Variants in VPS72 observed in about 807,000 individuals in gnomAD.
The protein encoded by VPS72 is vacuolar protein sorting 72 homolog, also known as vacuolar protein sorting-associated protein 72 homolog.
VPS72 carries 27 observed loss-of-function variants against 38.9 expected under a neutral mutation model. The ratio of observed to expected loss-of-function variants is 0.69; its 90% CI spans 0.51 to 0.96. The LOEUF is 0.96. VPS72 is among the 40% of genes least tolerant of loss of function. The pLI is 0.00. For synonymous variants in VPS72, 173 were observed against 186.3 expected (o/e 0.93, Z 0.58); for missense variants, 360 against 479.5 (o/e 0.75, Z 2.33).
In VPS72 at chr1:151,190,067, C is replaced by A. The variant is rs369828448; in HGVS notation, c.55G>T (p.Gly19Trp). The stretch of plus-strand genomic sequence containing the variant: ...TCTTCCTCCTCTGCCTCCAAAAGCC[C>A]AGAAAGCCGGTTCCCAGCGGTCTTC... ...PRKTAGNRLS[G>W]LLEAEEEDEF... The change falls in exon 1 of 6, where the codon GGG (glycine) becomes TGG (tryptophan). Residue 19 changes from glycine (G) to tryptophan (W), a missense_variant. Coordinates refer to ENST00000368892, the MANE Select transcript of VPS72 (RefSeq NM_005997.3). The A allele has an allele frequency of 2.4e-5, 39 of 1,614,128 alleles. No homozygotes were observed. Among genetic ancestry groups the A allele is most frequent in the Non-Finnish European group, 3.2e-5 (38 of 1,180,024 alleles).
At chr1:151,180,909 G>A (rs1173699185) in intron 4 of VPS72, among the ~76,000 whole-genome samples, 2 of 152,186 alleles carry the variant, frequency 1.3e-5, no homozygotes, top group Non-Finnish European at 2.9e-5. Flanking sequence ...TCTGGTGGAG[G>A]TTGCTCATTC....
At position 151,186,552 on chromosome 1, in the gene VPS72, C is replaced by T. The variant is rs140339101; in HGVS notation, c.118-602G>A. ...CCAGCCTGGGCGACAGGGCGAGACA[C>T]AGTCTCAAAAAGAAAAAAAAAAAAA... On this transcript the variant is annotated intron_variant, in intron 1 of 5. Coordinates refer to ENST00000368892, the MANE Select transcript of VPS72 (RefSeq NM_005997.3). Among the ~76,000 whole-genome samples, 656 of 143,966 alleles carry T rather than the reference C, an allele frequency of 4.6e-3. 6 individuals are homozygous for T. Among genetic ancestry groups the T allele is most frequent in the African/African-American group, 0.016 (621 of 38,654 alleles). The allele number at this position is 143,966 out of a possible 152,430, so 94.4% of individuals were successfully genotyped here.
chr1:151,179,620 C>T (rs1339385811), intron 4 of VPS72, among the ~76,000 whole-genome samples: 1 of 150,030 alleles, frequency 6.7e-6, no homozygotes, highest in African/African-American at 2.5e-5. Context: ...TCACCATGCA[C>T]GGTGGCTCAC....
At chr1:151,187,117 G>C (rs954006716) in intron 1 of VPS72, among the ~76,000 whole-genome samples, 6 of 152,130 alleles carry the variant, frequency 3.9e-5, no homozygotes, top group African/African-American at 7.2e-5. Flanking sequence ...AAAGCTCTGG[G>C]GGCAGTTAGA....
chr1:151,187,999 A>T (rs889442197), intron 1 of VPS72, among the ~76,000 whole-genome samples: 4 of 151,918 alleles, frequency 2.6e-5, no homozygotes, highest in Non-Finnish European at 5.9e-5. Context: ...TCTATTTTAA[A>T]CTAGTTGGTT....
chr1:151,176,896 C>T lies in VPS72; in HGVS notation c.843G>A (p.Gly281=). ...CACGAACAGGGACTTTTGGGGGCCGCCCTTGGGGGAACCATTCCTCGAAAG... is the reference window on the plus strand; with the variant it reads ...CACGAACAGGGACTTTTGGGGGCCGTCCTTGGGGGAACCATTCCTCGAAAG... ...DATFEEWFPQ[G]RPPKVPVREV... Residue 281 remains glycine, a synonymous_variant, in exon 6 of 6, where the codon GGG becomes GGA. Coordinates refer to ENST00000368892, the MANE Select transcript of VPS72 (RefSeq NM_005997.3). 4 of 1,614,046 alleles carry T rather than the reference C, an allele frequency of 2.5e-6. No individual in the cohort carries two copies. The Admixed American group carries it at 6.7e-5, about 27-fold the overall frequency.
chr1:151,186,846 T>C (rs1050106692), intron 1 of VPS72, among the ~76,000 whole-genome samples: 1 of 152,230 alleles, frequency 6.6e-6, no homozygotes, highest in Middle Eastern at 3.2e-3. Flanking sequence ...GAAGGTTGCA[T>C]TCCATTTATG....
chr1:151,185,752 G>C (rs373691223), intron 2 of VPS72, 46 bp downstream of exon 2: 3 of 1,612,172 alleles, frequency 1.9e-6, no homozygotes, highest in Middle Eastern at 1.7e-4. Flanking sequence ...ATGAAAGAGA[G>C]AATAGGAATT....
chr1:151,188,893 C>T (rs371909464), intron 1 of VPS72, among the ~76,000 whole-genome samples: 1 of 152,040 alleles, frequency 6.6e-6, no homozygotes, highest in Middle Eastern at 3.2e-3. Flanking sequence ...TGCAGTGGTA[C>T]GATCTCGGCT....
At chr1:151,183,997 T>A (rs887071144) in intron 4 of VPS72, among the ~76,000 whole-genome samples, 5 of 152,080 alleles carry the variant, frequency 3.3e-5, no homozygotes, top group African/African-American at 1.2e-4. Flanking sequence ...TCATTAGGTA[T>A]ATACCCCATT....
rs367676268 is a variant in VPS72 at position 151,188,693 on chromosome 1, T to C, written c.117+1312A>G. ...GACTAACCTTTCTCCTTCTCCTGCT[T>C]TTCATCAAGCTAAGGTCTACTTTTC... On this transcript the variant is annotated intron_variant, in intron 1 of 5. Coordinates refer to ENST00000368892, the MANE Select transcript of VPS72 (RefSeq NM_005997.3). Among the ~76,000 whole-genome samples, 37 of 152,320 alleles carry C rather than the reference T, an allele frequency of 2.4e-4. 1 individual carries two copies. The highest frequency in any genetic ancestry group is 8.9e-4 in the African/African-American group (37 of 41,584).
chr1:151,189,714 A>C (rs1252205995), intron 1 of VPS72, among the ~76,000 whole-genome samples: 2 of 152,108 alleles, frequency 1.3e-5, no homozygotes, highest in Non-Finnish European at 2.9e-5. Context: ...ACAGTGAAAG[A>C]TGCAACCACG....
intron 4 of VPS72, among the ~76,000 whole-genome samples, chr1:151,179,018 A>G (rs1046136809): frequency 6.6e-6 from 1 of 152,240 alleles, no homozygotes; most frequent in African/African-American, 2.4e-5. Context: ...ACAGTGGCTC[A>G]TGCCTGTAAT....
chr1:151,186,950 T>C (rs1427690402), intron 1 of VPS72, among the ~76,000 whole-genome samples: 1 of 152,228 alleles, frequency 6.6e-6, no homozygotes, highest in Non-Finnish European at 1.5e-5. Context: ...CTACCATTGA[T>C]AATCATTGTT....
chr1:151,189,943 G>T, intron 1 of VPS72, 62 bp downstream of exon 1: 5 of 1,570,812 alleles, frequency 3.2e-6, no homozygotes, highest in Non-Finnish European at 4.4e-6. Context: ...TTTGTCCGGG[G>T]TTTCTCCCTT....
chr1:151,180,442 T>C (rs1684214111), intron 4 of VPS72, among the ~76,000 whole-genome samples: 1 of 151,898 alleles, frequency 6.6e-6, no homozygotes, highest in Non-Finnish European at 1.5e-5. Flanking sequence ...CCCCTTTACT[T>C]TCTTTTTCTT....
rs758047800 is a variant in VPS72 at position 151,176,818 on chromosome 1, G to A, written c.921C>T (p.Asp307=). The A allele has an allele frequency of 1.2e-6, 2 of 1,614,182 alleles. No homozygotes were observed. Among genetic ancestry groups the A allele is most frequent in the Non-Finnish European group, 1.7e-6 (2 of 1,180,024 alleles). The change falls in exon 6 of 6, where the codon GAC becomes GAT. Residue 307 remains aspartate, a synonymous_variant. Transcript: ENST00000368892. ...AGGCTCGAGCAGTGGCATAGGGTAT[G>A]TCTGTAACAGGGTCCCGGTATAGGG... ...RPALYRDPVT[D]IPYATARAFK... is the part of the protein sequence containing the mutation.
At chr1:151,179,405 T>G (rs889405524) in intron 4 of VPS72, among the ~76,000 whole-genome samples, 1 of 151,790 alleles carries the variant, frequency 6.6e-6, no homozygotes, top group South Asian at 2.1e-4. Context: ...CAAGACCATC[T>G]TGGCCAACAT....
chr1:151,177,434 T>C (rs1466269155), intron 5 of VPS72, among the ~76,000 whole-genome samples: 2 of 134,232 alleles, frequency 1.5e-5, no homozygotes, highest in Non-Finnish European at 3.2e-5. Context: ...ATCAGAGAGA[T>C]GAGGAAAGAG....
Sources: gnomAD v4.1 joint callset for allele counts (sites outside exome capture counted in the v4.1 genomes callset) on GRCh38, gnomAD v4.1.1 for gene constraint, MANE v1.5 for transcripts, NCBI Gene and HGNC (gene_info 2026-07-23, HGNC 2026-07-21) for gene names.